Variants in THSD4 observed in about 807,000 individuals in gnomAD.
THSD4 encodes the protein thrombospondin type 1 domain containing 4, also known as thrombospondin type-1 domain-containing protein 4.
THSD4 carries 69 observed loss-of-function variants against 119.0 expected under a neutral mutation model. The observed-to-expected ratio is 0.58, with a 90% CI of 0.48 to 0.71. The LOEUF is 0.71. THSD4 is among the 30% of genes least tolerant of loss of function. THSD4 has a pLI of 0.00. For synonymous variants in THSD4, 524 were observed against 540.4 expected (o/e 0.97, Z 0.42); for missense variants, 1,393 against 1,391.1 (o/e 1.00, Z -0.02).
chr15:71,359,150 A>G (rs1291905684), intron 6 of THSD4, among the ~76,000 whole-genome samples: 1 of 152,156 alleles, frequency 6.6e-6, no homozygotes, highest in Non-Finnish European at 1.5e-5. Flanking sequence ...TCTGCTATGA[A>G]TTACTCAGTC....
intron 1 of THSD4, among the ~76,000 whole-genome samples, chr15:71,102,028 T>C (rs2040255857): frequency 6.6e-6 from 1 of 152,102 alleles, no homozygotes; most frequent in African/African-American, 2.4e-5. Flanking sequence ...TTCTTTTCTT[T>C]CTGTATGTTA....
At position 71,371,650 on chromosome 15, in the gene THSD4, T is replaced by C. The variant is rs530001502; in HGVS notation, c.1016-40037T>C. Among the ~76,000 whole-genome samples, 9 of 152,378 alleles carry C rather than the reference T, an allele frequency of 5.9e-5. No homozygotes were observed. In the East Asian group the frequency reaches 1.5e-3, roughly 26 times the overall value. On this transcript the variant is annotated intron_variant, in intron 6 of 17. Coordinates refer to ENST00000261862, the MANE Select transcript of THSD4 (RefSeq NM_024817.3). Reference sequence around the variant, plus strand: ...GTAGAGTTTCTGCCAAGAGATCCACTGTTAGTCTGATGGGCTTCCCTTTGT... The same window carrying C: ...GTAGAGTTTCTGCCAAGAGATCCACCGTTAGTCTGATGGGCTTCCCTTTGT...
chr15:71,103,026 G>T (rs561987150), intron 1 of THSD4, among the ~76,000 whole-genome samples: 1 of 152,230 alleles, frequency 6.6e-6, no homozygotes, highest in Non-Finnish European at 1.5e-5. Context: ...TCTGTTGATT[G>T]TCTCGTTCCT....
intron 8 of THSD4, among the ~76,000 whole-genome samples, chr15:71,689,413 A>G (rs971347005): frequency 6.6e-6 from 1 of 152,014 alleles, no homozygotes; most frequent in Non-Finnish European, 1.5e-5. Context: ...GAACTCTGTG[A>G]CTCTCCTTTC....
intron 5 of THSD4, among the ~76,000 whole-genome samples, chr15:71,244,793 G>T (rs1352458535): frequency 2.0e-5 from 3 of 152,168 alleles, no homozygotes; most frequent in African/African-American, 4.8e-5. Context: ...AATATCTGTT[G>T]CTGTTCTTTT....
chr15:71,429,047 T>C (rs570754288), intron 7 of THSD4, among the ~76,000 whole-genome samples: 1 of 152,340 alleles, frequency 6.6e-6, no homozygotes, highest in South Asian at 2.1e-4. Flanking sequence ...TTCCAGTCTT[T>C]TACCATTACC....
chr15:71,382,013 T>A (rs2046235303), intron 6 of THSD4, among the ~76,000 whole-genome samples: 1 of 152,092 alleles, frequency 6.6e-6, no homozygotes, highest in Admixed American at 6.6e-5. Context: ...TTAGATTTGA[T>A]TTGGGGAAGT....
chr15:71,713,832 G>A (rs1467521261), intron 8 of THSD4, among the ~76,000 whole-genome samples: 1 of 152,256 alleles, frequency 6.6e-6, no homozygotes, highest in East Asian at 1.9e-4. Context: ...GTTTTAACAG[G>A]CCTAACTAGT....
intron 7 of THSD4, chr15:71,549,565 C>T (rs954112439): frequency 1.3e-5 from 2 of 152,126 alleles, no homozygotes; most frequent in African/African-American, 2.4e-5. Context: ...TTTATAACAG[C>T]CTCTTTTTTA....
intron 1 of THSD4, among the ~76,000 whole-genome samples, chr15:71,123,621 A>G (rs939661889): frequency 6.6e-6 from 1 of 152,172 alleles, no homozygotes; most frequent in African/African-American, 2.4e-5. Context: ...GGTGAGAGGA[A>G]AATCACTGTG....
At chr15:71,733,638 GGTCTGGTGCAGTGGATCAC>G (rs2053024630) in intron 10 of THSD4, 1 of 152,040 alleles carries the variant, frequency 6.6e-6, no homozygotes, top group Admixed American at 6.6e-5. Flanking sequence ...AAAGCTGAGA[GGTCTGGTGCAGTGGATCAC>G]GCCTGTGATC....
chr15:71,323,727 G>A (rs541131963), intron 6 of THSD4, among the ~76,000 whole-genome samples: 1 of 152,190 alleles, frequency 6.6e-6, no homozygotes, highest in Non-Finnish European at 1.5e-5. Context: ...GTAATGCAAT[G>A]ATCTGACTCT....
At chr15:71,575,393 T>A (rs2049431051) in intron 7 of THSD4, among the ~76,000 whole-genome samples, 1 of 152,228 alleles carries the variant, frequency 6.6e-6, no homozygotes, top group African/African-American at 2.4e-5. Flanking sequence ...GTTTTAGTGA[T>A]GAGCAAAAAC....
intron 6 of THSD4, among the ~76,000 whole-genome samples, chr15:71,288,875 G>A (rs903307464): frequency 1.3e-5 from 2 of 152,126 alleles, no homozygotes; most frequent in Non-Finnish European, 2.9e-5. Flanking sequence ...GGGGATCCAC[G>A]GTCTTCTGCA....
At chr15:71,442,290 C>T (rs1319087045) in intron 7 of THSD4, among the ~76,000 whole-genome samples, 1 of 151,426 alleles carries the variant, frequency 6.6e-6, no homozygotes, top group African/African-American at 2.4e-5. Flanking sequence ...GAGATGAGGC[C>T]GAGTGCAGTG....
At chr15:71,582,904 G>C (rs1380793452) in intron 7 of THSD4, among the ~76,000 whole-genome samples, 1 of 151,992 alleles carries the variant, frequency 6.6e-6, no homozygotes, top group African/African-American at 2.4e-5. Context: ...GAGGATTTTT[G>C]CATCTGTATC....
chr15:71,739,666 AG>A (rs1444717848), intron 11 of THSD4, among the ~76,000 whole-genome samples: 2 of 152,124 alleles, frequency 1.3e-5, no homozygotes, highest in Non-Finnish European at 2.9e-5. Context: ...TCCTGTTTGT[AG>A]TAAAGTCCTA....
intron 8 of THSD4, among the ~76,000 whole-genome samples, chr15:71,673,879 C>G (rs1184180211): frequency 6.6e-6 from 1 of 152,202 alleles, no homozygotes; most frequent in Non-Finnish European, 1.5e-5. Flanking sequence ...GCCTCAGCCT[C>G]CCGAGTAGCT....
At chr15:71,662,348 C>T (rs2051327427) in intron 8 of THSD4, among the ~76,000 whole-genome samples, 1 of 152,094 alleles carries the variant, frequency 6.6e-6, no homozygotes. Flanking sequence ...TTGACAAAAC[C>T]CAGGAGCCAC....
Sources: allele counts gnomAD v4.1 joint callset (sites outside exome capture counted in the v4.1 genomes callset), GRCh38; gene constraint gnomAD v4.1.1; transcripts MANE v1.5; gene names NCBI Gene and HGNC (gene_info 2026-07-23, HGNC 2026-07-21).